Variants in STC2 observed in about 807,000 individuals in gnomAD.
STC2 encodes the protein stanniocalcin-2.
A neutral mutation model predicts 22.7 loss-of-function variants in STC2; 7 were observed. The ratio of observed to expected loss-of-function variants is 0.31; its 90% CI spans 0.18 to 0.58. STC2 has a LOEUF of 0.58. STC2 is among the 20% of genes least tolerant of loss of function. STC2 has a pLI of 0.89. For missense variants in STC2, 336 were observed against 406.2 expected, an observed-to-expected ratio of 0.83 and a Z score of 1.48; for synonymous variants, 158 against 163.4, an observed-to-expected ratio of 0.97 and a Z score of 0.25.
Position 173,315,905 on chromosome 5 carries a change from C to T in STC2, c.*1942G>A, listed in dbSNP as rs1762415154. On this transcript the variant is annotated 3_prime_UTR_variant, in exon 4 of 4. Coordinates refer to ENST00000265087, the MANE Select transcript of STC2 (RefSeq NM_003714.3). ...TGGAGGTGGGGTTTCCTCCCTTCCC[C>T]CAACCAATGATTCCCCTCCCCACCC... 1 of 152,310 alleles carries T rather than the reference C, an allele frequency of 6.6e-6. No homozygotes were observed. Among genetic ancestry groups the T allele is most frequent in the Admixed American group, 6.5e-5 (1 of 15,284 alleles). 9.4% of individuals were successfully genotyped at this position (152,310 alleles called of 1,614,324 possible). A position where few individuals can be genotyped will look rare whatever the true frequency, so the allele number is the denominator to read the frequency against.
Position 173,326,018 on chromosome 5 carries a change from G to A in STC2, c.152-8C>T. On this transcript the variant is annotated splice_region_variant and splice_polypyrimidine_tract_variant and intron_variant, in intron 1 of 3. Coordinates refer to ENST00000265087, the MANE Select transcript of STC2 (RefSeq NM_003714.3). ...AACAGTGCTGGATCTCCGCTAAAAG[G>A]AAAATCACATACAAATATATACAAA... 6.2e-7 allele frequency: 1 copy of A among 1,613,876 alleles called. No individual in the cohort carries two copies. Among genetic ancestry groups the A allele is most frequent in the African/African-American group, 1.3e-5 (1 of 75,020 alleles).
Position 173,323,907 on chromosome 5 carries a change from C to CTA in STC2, c.295-478_295-477insTA. On this transcript the variant is annotated intron_variant, in intron 2 of 3. Coordinates refer to ENST00000265087, the MANE Select transcript of STC2 (RefSeq NM_003714.3). This position sits in a 1 kb window ranked among gnomAD's most constrained non-coding sequence, Gnocchi z 5.4. ...CACACGTTTCCTTTTTCCCTTGATT[C>CTA]CAGGGGCGACACCGAGATTGATTGC... is the stretch of plus-strand genomic sequence containing the variant. 1 of 137,378 alleles carries CTA rather than the reference C, an allele frequency of 7.3e-6. No individual in the cohort carries two copies. Among genetic ancestry groups the CTA allele is most frequent in the Non-Finnish European group, 1.6e-5 (1 of 63,772 alleles). The allele number at this position is 137,378 out of a possible 1,614,324, so 8.5% of individuals were successfully genotyped here.
intron 3 of STC2, among the ~76,000 whole-genome samples, chr5:173,319,939 T>TGAGGTGGG (rs1202692107): frequency 6.6e-6 from 1 of 152,188 alleles, no homozygotes; most frequent in East Asian, 1.9e-4. Context: ...TGGACTGCCC[T>TGAGGTGGG]GAGGTGGGCA....
Position 173,328,228 on chromosome 5 carries a change from G to C in STC2, c.-35C>G. 1 of 1,420,756 alleles carries C rather than the reference G, an allele frequency of 7.0e-7. No homozygotes were observed. Among genetic ancestry groups the C allele is most frequent in the East Asian group, 2.7e-5 (1 of 36,860 alleles). 88.0% of individuals were successfully genotyped at this position (1,420,756 alleles called of 1,614,324 possible). ...TATTAACCTCCCGTCGGGAGACCTG[G>C]ATCCTTTGTGCTCCCCTCTTCCTCC... is the stretch of plus-strand genomic sequence containing the variant. On this transcript the variant is annotated 5_prime_UTR_variant, in exon 1 of 4. In the 5' UTR this introduces an upstream ATG that the reference lacks. Coordinates refer to ENST00000265087, the MANE Select transcript of STC2 (RefSeq NM_003714.3).
chr5:173,327,470 C>A (rs1359949732), intron 1 of STC2, among the ~76,000 whole-genome samples: 1 of 152,266 alleles, frequency 6.6e-6, no homozygotes, highest in Non-Finnish European at 1.5e-5. Flanking sequence ...GGCGGCAGCA[C>A]CGCGGAGGTA....
rs1258032654 is a variant in STC2, at chr5:173,323,383, C to T, written c.342G>A (p.Leu114=). 1.2e-6 allele frequency: 2 copies of T among 1,614,044 alleles called. No homozygotes were observed. Among genetic ancestry groups the T allele is most frequent in the East Asian group, 4.5e-5 (2 of 44,878 alleles). The part of the protein sequence containing the change: ...KDALKCKAHA[L]RHRFGCISRK... ...GGCTTATGCAGCCGAACCTGTGCCGCAGAGCGTGGGCCTTACATTTCAAGG... is the reference window on the plus strand; with the variant it reads ...GGCTTATGCAGCCGAACCTGTGCCGTAGAGCGTGGGCCTTACATTTCAAGG... The change falls in exon 3 of 4, where the codon CTG becomes CTA. Residue 114 remains leucine (L), a synonymous_variant. Coordinates refer to ENST00000265087, the MANE Select transcript of STC2 (RefSeq NM_003714.3). This position sits in a 1 kb window ranked among gnomAD's most constrained non-coding sequence, Gnocchi z 5.4.
In STC2 at chr5:173,325,554, G is replaced by A. The variant is rs747617711; in HGVS notation, c.294+314C>T. 6.6e-6 allele frequency among the ~76,000 whole-genome samples: 1 copy of A among 152,104 alleles called. No homozygotes were observed. Among genetic ancestry groups the A allele is most frequent in the Non-Finnish European group, 1.5e-5 (1 of 68,024 alleles). On this transcript the variant is annotated intron_variant, in intron 2 of 3. Transcript: ENST00000265087. The surrounding 1 kb of genome is among the most constrained non-coding windows in gnomAD (Gnocchi z 4.7). ...ATGACTTCTGAAATGTATAATTGGG[G>A]GTTCCTGCCCCTGCCTCTCATGCAG...
In STC2 at chr5:173,318,266, AAGAGAG is replaced by A. The variant is rs4041247; in HGVS notation, c.507-23_507-18del. Reference sequence around the variant, plus strand: ...ACGTAGGGTCTAAAGATTGAAAGCAAAGAGAGAGAGAGAGAGAGAGAGAGAGAGAGA... The same window carrying A: ...ACGTAGGGTCTAAAGATTGAAAGCAAAGAGAGAGAGAGAGAGAGAGAGAGA... On this transcript the variant is annotated intron_variant, in intron 3 of 3. Transcript: ENST00000265087. 82,226 of 1,232,906 alleles carry A rather than the reference AAGAGAG, an allele frequency of 0.067. 536 individuals carry two copies. The highest frequency in any genetic ancestry group is 0.075 in the South Asian group (2,195 of 29,450). 76.4% of individuals were successfully genotyped at this position (1,232,906 alleles called of 1,614,324 possible).
chr5:173,319,846 G>A (rs1253115670), intron 3 of STC2, among the ~76,000 whole-genome samples: 2 of 152,212 alleles, frequency 1.3e-5, no homozygotes. Context: ...GAGTCAGCAA[G>A]TCTGTGCATG....
At chr5:173,322,358 A>T (rs1762497255) in intron 3 of STC2, among the ~76,000 whole-genome samples, 1 of 152,218 alleles carries the variant, frequency 6.6e-6, no homozygotes, top group Admixed American at 6.5e-5. Flanking sequence ...TTGTGTACCA[A>T]CATGCTTTAC....
In STC2 at chr5:173,327,310, G is replaced by A. The variant is rs114500052; in HGVS notation, c.151+733C>T. ...GTAGGCAGATTTTCTTTCTCTTTCCGAGCTGGGAAAAGGGCCAGCCCCGTG... is the reference window on the plus strand; with the variant it reads ...GTAGGCAGATTTTCTTTCTCTTTCCAAGCTGGGAAAAGGGCCAGCCCCGTG... On this transcript the variant is annotated intron_variant, in intron 1 of 3. Coordinates refer to ENST00000265087, the MANE Select transcript of STC2 (RefSeq NM_003714.3). Among the ~76,000 whole-genome samples, 1,109 of 152,382 alleles carry A rather than the reference G, an allele frequency of 7.3e-3. 3 individuals are homozygous for A. Among genetic ancestry groups the A allele is most frequent in the Middle Eastern group, 0.014 (4 of 294 alleles).
chr5:173,320,583 A>G (rs1384805919), intron 3 of STC2, among the ~76,000 whole-genome samples: 2 of 152,086 alleles, frequency 1.3e-5, no homozygotes, highest in Admixed American at 6.5e-5. Context: ...GAGTGGGGGT[A>G]AAACCAGGCA....
chr5:173,328,202 G>T lies in STC2; in HGVS notation c.-9C>A. 6.8e-7 allele frequency: 1 copy of T among 1,465,602 alleles called. No individual in the cohort carries two copies. 90.8% of individuals were successfully genotyped at this position (1,465,602 alleles called of 1,614,324 possible). A position where few individuals can be genotyped will look rare whatever the true frequency, so the allele number is the denominator to read the frequency against. ...AGCCGCTCGGCACACATGGTTCTTG[G>T]TATTAACCTCCCGTCGGGAGACCTG... On this transcript the variant is annotated 5_prime_UTR_variant, in exon 1 of 4. Transcript: ENST00000265087.
At chr5:173,327,122 GCGC>G (rs1312567792) in intron 1 of STC2, among the ~76,000 whole-genome samples, 4 of 152,168 alleles carry the variant, frequency 2.6e-5, no homozygotes, top group Non-Finnish European at 4.4e-5. Flanking sequence ...AAGACCCCAC[GCGC>G]CGCCGGGGCA....
chr5:173,320,807 CTTT>C (rs1161529639), intron 3 of STC2, among the ~76,000 whole-genome samples: 13 of 134,126 alleles, frequency 9.7e-5, no homozygotes, highest in Non-Finnish European at 6.5e-5. Context: ...TCAGTTCTCT[CTTT>C]TTTTTTTTTT....
At chr5:173,322,830 G>T (rs367553366) in intron 3 of STC2, 3 of 237,444 alleles carry the variant, frequency 1.3e-5, no homozygotes, top group East Asian at 1.9e-4. Context: ...AGTGCCTGGC[G>T]CTTAGTAAAT....
intron 3 of STC2, 44 bp from the exon 4 acceptor site, chr5:173,318,293 A>T: frequency 7.3e-7 from 1 of 1,361,808 alleles, no homozygotes; most frequent in Non-Finnish European, 9.5e-7. Flanking sequence ...AGAGAGAGAG[A>T]GAGAGAGGCT....
Position 173,325,966 on chromosome 5 carries a change from C to T in STC2, c.196G>A (p.Gly66Ser). 6.2e-7 allele frequency: 1 copy of T among 1,614,206 alleles called. No homozygotes were observed. The highest frequency in any genetic ancestry group is 8.5e-7 in the Non-Finnish European group (1 of 1,180,042). The change falls in exon 2 of 4, where the codon GGC (glycine) becomes AGC (serine). Residue 66 changes from glycine (G) to serine (S), a missense_variant. Gly to Ser is a moderately conservative substitution (Grantham distance 56). Coordinates refer to ENST00000265087, the MANE Select transcript of STC2 (RefSeq NM_003714.3). This position sits in a 1 kb window ranked among gnomAD's most constrained non-coding sequence, Gnocchi z 4.7. ...CLVNAGDVGC[G>S]VFECFENNSC... The stretch of plus-strand genomic sequence containing the variant: ...TTGTTCTCGAAACATTCAAACACGC[C>T]ACACCCCACATCGCCAGCGTTGACC...
Position 173,323,412 on chromosome 5 carries a change from C to G in STC2, c.313G>C (p.Asp105His), listed in dbSNP as rs1429947690. 1.9e-6 allele frequency: 3 copies of G among 1,612,278 alleles called. No individual in the cohort carries two copies. The highest frequency in any genetic ancestry group is 8.5e-7 in the Non-Finnish European group (1 of 1,179,236). The change falls in exon 3 of 4, where the codon GAC becomes CAC. Residue 105 changes from aspartate to histidine, a missense_variant. Physicochemically the swap from Asp to His is moderately conservative, Grantham distance 81. This residue lies in a region of STC2 where 22 missense variants were observed against 52.0 expected (regional missense o/e 0.42). Transcript: ENST00000265087. The surrounding 1 kb of genome is among the most constrained non-coding windows in gnomAD (Gnocchi z 5.4). ...FDAQGKSFIK[D>H]ALKCKAHALR... ...GCGTGGGCCTTACATTTCAAGGCGT[C>G]TTTGATGAATGACTTGCCCTGAGAA...
Sources: gnomAD v4.1 joint callset for allele counts (sites outside exome capture counted in the v4.1 genomes callset) on GRCh38, gnomAD v4.1.1 for gene constraint, gnomAD v4.1.1 regional missense constraint, Gnocchi (gnomAD v3.1) non-coding constraint, MANE v1.5 for transcripts, NCBI Gene and HGNC (gene_info 2026-07-23, HGNC 2026-07-21) for gene names.